Variants in TNRC6C observed in about 807,000 individuals in gnomAD.
The protein encoded by TNRC6C is trinucleotide repeat containing adaptor 6C.
In TNRC6C, 20 loss-of-function variants were observed where a neutral mutation model predicts 153.7. That is an observed-to-expected ratio of 0.13 (90% confidence interval 0.09 to 0.19). The LOEUF is 0.19. Ranked by LOEUF, TNRC6C falls within the 10% of genes least tolerant of loss-of-function variation. The pLI, the probability that TNRC6C is intolerant of heterozygous loss-of-function variation, is 1.00. For missense variants in TNRC6C, 1,987 were observed against 2,172.0 expected (o/e 0.91, Z 1.69); for synonymous variants, 811 against 841.4 (o/e 0.96, Z 0.63).
rs1455752520 is a variant in TNRC6C, at chr17:78,091,602, A to C, written c.3965A>C (p.Lys1322Thr). 5 of 1,548,922 alleles carry C rather than the reference A, an allele frequency of 3.2e-6. No homozygotes were observed. The highest frequency in any genetic ancestry group is 4.4e-6 in the Non-Finnish European group (5 of 1,146,496). Residue 1322 changes from lysine to threonine, a missense_variant, in exon 14 of 20, where the codon AAG becomes ACG. Lys to Thr is a moderately conservative substitution (Grantham distance 78, BLOSUM62 -1). This residue lies in a region of TNRC6C where 765 missense variants were observed against 908.6 expected (regional missense o/e 0.84). Transcript: ENST00000301624. ...TCCCCCCTGGAGCAGAACCCTAGCA[A>C]GCATGGTACGTCTGAGCTAGGATGC... is the stretch of plus-strand genomic sequence containing the variant.
intron 1 of TNRC6C, among the ~76,000 whole-genome samples, chr17:77,976,254 T>A (rs1250873101): frequency 6.6e-6 from 1 of 151,636 alleles, no homozygotes; most frequent in African/African-American, 2.4e-5. Context: ...TGAGTCAAAT[T>A]TAACCCTATC....
intron 1 of TNRC6C, among the ~76,000 whole-genome samples, chr17:78,010,288 C>A (rs1032712178): frequency 6.6e-6 from 1 of 152,084 alleles, no homozygotes; most frequent in Non-Finnish European, 1.5e-5. Flanking sequence ...TAAACAAAAC[C>A]TCTAGGTGCT....
chr17:78,035,494 A>G (rs1274420195), intron 2 of TNRC6C, among the ~76,000 whole-genome samples: 2 of 152,228 alleles, frequency 1.3e-5, no homozygotes. Context: ...ACTTTGAAAT[A>G]TACAACAAAT....
rs143459127 is a variant in TNRC6C, at chr17:78,063,474, C to T, written c.2396-1248C>T. 8.6e-4 allele frequency among the ~76,000 whole-genome samples: 130 copies of T among 151,910 alleles called. 1 individual carries two copies. Among genetic ancestry groups the T allele is most frequent in the Non-Finnish European group, 1.4e-3 (92 of 67,964 alleles). On this transcript the variant is annotated intron_variant, in intron 3 of 19. Coordinates refer to ENST00000301624, the Ensembl canonical transcript of TNRC6C. ...TATAAATGGATCACTGAAGTTCACA[C>T]CCGTGTTGTCAAGGGTCACCTGTGA...
chr17:78,028,146 C>T (rs957385414), intron 1 of TNRC6C, among the ~76,000 whole-genome samples: 15 of 152,132 alleles, frequency 9.9e-5, no homozygotes, highest in African/African-American at 3.6e-4. Flanking sequence ...CTGCCCGCCT[C>T]GGCCTCCCAA....
intron 9 of TNRC6C, chr17:78,077,855 A>G (rs1472734299): frequency 1.2e-5 from 2 of 161,014 alleles, no homozygotes; most frequent in African/African-American, 4.8e-5. Context: ...ATCTTTCTAA[A>G]TCAGTTAACT....
chr17:78,093,067 C>G, exon 15 of TNRC6C: 1 of 1,613,664 alleles, frequency 6.2e-7, no homozygotes, highest in Non-Finnish European at 8.5e-7. Context: ...TAGCTGGTCA[C>G]GTGCCAAATC....
At chr17:78,067,797 T>C (rs1391290922) in exon 5 of TNRC6C, 2 of 1,613,402 alleles carry the variant, frequency 1.2e-6, no homozygotes, top group African/African-American at 2.7e-5. Context: ...GTGGTGGGGA[T>C]GAAATGAACC....
intron 16 of TNRC6C, among the ~76,000 whole-genome samples, chr17:78,096,361 C>A (rs556594366): frequency 6.6e-6 from 1 of 152,186 alleles, no homozygotes; most frequent in Non-Finnish European, 1.5e-5. Flanking sequence ...CACACCCCCA[C>A]GACGCACAGT....
At chr17:78,105,817 C>G (rs2073684479) in exon 20 of TNRC6C, 1 of 152,154 alleles carries the variant, frequency 6.6e-6, no homozygotes, top group South Asian at 2.1e-4. Context: ...ACTGAGTGTC[C>G]TCGCCCTTCC....
intron 1 of TNRC6C, among the ~76,000 whole-genome samples, chr17:78,017,046 T>TA (rs2071741763): frequency 6.6e-6 from 1 of 152,100 alleles, no homozygotes; most frequent in African/African-American, 2.4e-5. Flanking sequence ...ATGGAACTGA[T>TA]AAACCCCCAG....
chr17:78,029,190 G>A (rs759654551), intron 1 of TNRC6C, among the ~76,000 whole-genome samples: 8 of 152,128 alleles, frequency 5.3e-5, no homozygotes, highest in Non-Finnish European at 1.0e-4. Context: ...TGCTACAGAC[G>A]CCAAACCACA....
exon 4 of TNRC6C, chr17:78,064,856 T>G (rs1157925808): frequency 5.0e-6 from 8 of 1,613,222 alleles, no homozygotes; most frequent in Non-Finnish European, 6.8e-6. Flanking sequence ...TGGCAGCGGG[T>G]GGGGAGATCA....
chr17:77,972,058 G>T (rs891318174), intron 1 of TNRC6C, among the ~76,000 whole-genome samples: 3 of 152,028 alleles, frequency 2.0e-5, no homozygotes, highest in African/African-American at 7.2e-5. Context: ...CAAAAAAAAA[G>T]TAGAGATTGG....
exon 4 of TNRC6C, chr17:78,064,868 C>A (rs753279035): frequency 6.2e-7 from 1 of 1,612,416 alleles, no homozygotes; most frequent in African/African-American, 1.3e-5. Context: ...GGGAGATCAC[C>A]CTGCAGAGCC....
intron 9 of TNRC6C, 131 bp downstream of exon 11, chr17:78,077,465 A>C (rs1236068845): frequency 1.7e-6 from 2 of 1,205,004 alleles, no homozygotes; most frequent in Non-Finnish European, 2.3e-6. Flanking sequence ...AAGTAGTTGA[A>C]ATACTACCAG....
chr17:78,042,223 G>A (rs968678953), intron 2 of TNRC6C, among the ~76,000 whole-genome samples: 13 of 152,038 alleles, frequency 8.6e-5, no homozygotes, highest in African/African-American at 2.7e-4. Context: ...AGAATTTAAC[G>A]TTATACATGA....
At chr17:78,023,401 C>A (rs2071874084) in intron 1 of TNRC6C, among the ~76,000 whole-genome samples, 1 of 152,086 alleles carries the variant, frequency 6.6e-6, no homozygotes, top group African/African-American at 2.4e-5. Flanking sequence ...TTTTTTATTC[C>A]TTCCTTCTCC....
At chr17:77,969,921 G>C (rs935837658) in intron 1 of TNRC6C, among the ~76,000 whole-genome samples, 5 of 152,166 alleles carry the variant, frequency 3.3e-5, no homozygotes, top group Non-Finnish European at 7.3e-5. Context: ...GTATCACCTT[G>C]AAACTAGAAT....
Sources: allele counts gnomAD v4.1 joint callset (sites outside exome capture counted in the v4.1 genomes callset), GRCh38; gene constraint gnomAD v4.1.1; regional missense constraint gnomAD v4.1.1; transcripts MANE v1.5; gene names NCBI Gene and HGNC (gene_info 2026-07-23, HGNC 2026-07-21).